Variants in GMPS observed in about 807,000 individuals in gnomAD.
GMPS encodes the protein guanosine monophosphate synthase.
In GMPS, 15 loss-of-function variants were observed where a neutral mutation model predicts 77.9. That is an observed-to-expected ratio of 0.19 (90% CI 0.13 to 0.30). The LOEUF (loss-of-function observed/expected upper bound fraction) is 0.30. Ranked by LOEUF, GMPS falls within the 10% of genes least tolerant of loss-of-function variation. GMPS has a pLI of 1.00. For missense variants in GMPS, 590 were observed against 838.8 expected (o/e 0.70, Z 3.66); for synonymous variants, 224 against 275.9 (o/e 0.81, Z 1.86).
In GMPS at chr3:155,936,425, A is replaced by G. The variant is rs1450011030; in HGVS notation, c.1895A>G (p.Gln632Arg). The G allele has an allele frequency of 6.2e-7, 1 of 1,607,090 alleles. No individual in the cohort carries two copies. The highest frequency in any genetic ancestry group is 1.7e-5 in the Admixed American group (1 of 60,018). ...RDPLQKQPSC[Q>R]RSVVIRTFIT... Reference sequence around the variant, plus strand: ...CCACTTCAAAAGCAGCCTTCATGCCAGAGATCTGTGGTTATTCGAACCTTT... The same window carrying G: ...CCACTTCAAAAGCAGCCTTCATGCCGGAGATCTGTGGTTATTCGAACCTTT... Residue 632 changes from glutamine to arginine, a missense_variant, in exon 15 of 16, where the codon CAG (glutamine) becomes CGG (arginine). By Grantham distance (43) the Gln-to-Arg change is conservative. Around this residue, in one of 6 missense-constraint regions of GMPS, gnomAD observed 73 missense variants for 170.5 expected, o/e 0.43. Transcript: ENST00000496455.
chr3:155,938,678 A>G lies in GMPS; in HGVS notation c.*986A>G, dbSNP rs1755820162. 5.0e-6 allele frequency: 1 copy of G among 201,426 alleles called. No individual in the cohort carries two copies. The highest frequency in any genetic ancestry group is 1.9e-4 in the South Asian group (1 of 5,258). 12.5% of individuals were successfully genotyped at this position (201,426 alleles called of 1,614,324 possible). On this transcript the variant is annotated 3_prime_UTR_variant, in exon 16 of 16. Transcript: ENST00000496455. ...AAACAGTTGTAAAATGAGCTTTTAA[A>G]TCTAATCTATAGACATATTATTCAT...
chr3:155,923,124 G>C (rs952317615), intron 11 of GMPS, among the ~76,000 whole-genome samples: 1 of 152,044 alleles, frequency 6.6e-6, no homozygotes, highest in Admixed American at 6.6e-5. Context: ...AAAGTAAATA[G>C]AAATAAGCTA....
At position 155,943,710 on chromosome 3, in the gene GMPS, T is replaced by C. The variant is rs1044164230; in HGVS notation, c.*6018T>C. On this transcript the variant is annotated 3_prime_UTR_variant, in exon 16 of 16. Coordinates refer to ENST00000496455, the MANE Select transcript of GMPS (RefSeq NM_003875.3). Reference sequence around the variant, plus strand: ...TTAATCCCTTTTGTCTTCAATATACTTCATAAAGGAGGAAATGATGATTTA... The same window carrying C: ...TTAATCCCTTTTGTCTTCAATATACCTCATAAAGGAGGAAATGATGATTTA... The C allele has an allele frequency of 1.2e-5, 2 of 168,782 alleles. No homozygotes were observed. Among genetic ancestry groups the C allele is most frequent in the Non-Finnish European group, 2.6e-5 (2 of 77,444 alleles). 10.5% of individuals were successfully genotyped at this position (168,782 alleles called of 1,614,324 possible). A position where few individuals can be genotyped will look rare whatever the true frequency, so the allele number is the denominator to read the frequency against.
intron 1 of GMPS, among the ~76,000 whole-genome samples, chr3:155,887,470 C>T (rs1207429080): frequency 1.3e-5 from 2 of 152,074 alleles, no homozygotes; most frequent in Non-Finnish European, 1.5e-5. Context: ...CAGTGTGGGA[C>T]ATTCTACAAA....
At chr3:155,910,379 C>A (rs1470824368) in intron 5 of GMPS, among the ~76,000 whole-genome samples, 1 of 151,932 alleles carries the variant, frequency 6.6e-6, no homozygotes, top group Non-Finnish European at 1.5e-5. Flanking sequence ...GGCCACCAGG[C>A]CAACATAGTG....
intron 1 of GMPS, among the ~76,000 whole-genome samples, chr3:155,878,606 A>G (rs1223963722): frequency 6.6e-6 from 1 of 152,126 alleles, no homozygotes; most frequent in Non-Finnish European, 1.5e-5. Context: ...AACATTTTAT[A>G]TTTTTGTCTG....
At position 155,893,688 on chromosome 3, in the gene GMPS, A is replaced by G. The variant is rs1295969591; in HGVS notation, c.198A>G (p.Glu66=). 2 of 1,595,634 alleles carry G rather than the reference A, an allele frequency of 1.3e-6. No individual in the cohort carries two copies. The highest frequency in any genetic ancestry group is 4.5e-5 in the East Asian group (2 of 44,644). The change falls in exon 2 of 16, where the codon GAA becomes GAG. Residue 66 remains glutamate, a synonymous_variant. Coordinates refer to ENST00000496455, the MANE Select transcript of GMPS (RefSeq NM_003875.3). ...PLETPAFAIK[E]QGFRAIIISG... ...AAACACCAGCATTTGCTATAAAGGA[A>G]CAAGGATTCCGGTAGACTTTTCACT...
intron 13 of GMPS, among the ~76,000 whole-genome samples, chr3:155,932,311 CACA>C (rs1176261456): frequency 9.2e-5 from 14 of 151,744 alleles, no homozygotes; most frequent in African/African-American, 2.9e-4. Context: ...CACACACACA[CACA>C]CCCCTACAAA....
chr3:155,906,257 G>A lies in GMPS; in HGVS notation c.520G>A (p.Val174Ile), dbSNP rs768899190. The stretch of plus-strand genomic sequence containing the variant: ...GGTTGTGGCACGTTCTGGAAACATA[G>A]TAGCAGGTGAAAATTCTAAAAATTT... The part of the protein sequence containing the change: ...FKVVARSGNI[V>I]AGIANESKKL... The change falls in exon 5 of 16, where the codon GTA (valine) becomes ATA (isoleucine). Residue 174 changes from valine (V) to isoleucine (I), a missense_variant. Coordinates refer to ENST00000496455, the MANE Select transcript of GMPS (RefSeq NM_003875.3). 6.2e-6 allele frequency: 10 copies of A among 1,602,016 alleles called. No individual in the cohort carries two copies. The highest frequency in any genetic ancestry group is 1.3e-5 in the African/African-American group (1 of 74,602).
At chr3:155,884,247 A>G (rs574791681) in intron 1 of GMPS, among the ~76,000 whole-genome samples, 22 of 151,738 alleles carry the variant, frequency 1.4e-4, no homozygotes, top group Middle Eastern at 3.4e-3. Context: ...TTAGCTGGGC[A>G]TGGTGGTGCA....
At chr3:155,884,779 A>G (rs1265702471) in intron 1 of GMPS, among the ~76,000 whole-genome samples, 9 of 152,226 alleles carry the variant, frequency 5.9e-5, no homozygotes, top group Admixed American at 5.9e-4. Context: ...TTCCATGATT[A>G]GGGTATGTGT....
At position 155,870,652 on chromosome 3, in the gene GMPS, C is replaced by G. The variant is rs1009509447; in HGVS notation, c.-219C>G. 4.2e-6 allele frequency: 2 copies of G among 476,260 alleles called. No homozygotes were observed. The highest frequency in any genetic ancestry group is 7.5e-6 in the Non-Finnish European group (2 of 267,216). 29.5% of individuals were successfully genotyped at this position (476,260 alleles called of 1,614,324 possible). A position where few individuals can be genotyped will look rare whatever the true frequency, so the allele number is the denominator to read the frequency against. On this transcript the variant is annotated 5_prime_UTR_variant, in exon 1 of 16. Coordinates refer to ENST00000496455, the MANE Select transcript of GMPS (RefSeq NM_003875.3). ...GGGCGGAAGCAGGAGGCGGGGGCAG[C>G]GTGCGCGCTGCTGGTCTTCTCTCCC...
chr3:155,899,086 G>C (rs1413191047), intron 3 of GMPS, among the ~76,000 whole-genome samples: 1 of 151,114 alleles, frequency 6.6e-6, no homozygotes, highest in African/African-American at 2.4e-5. Flanking sequence ...ACAAAAGTTT[G>C]GCCAGGCGCA....
intron 13 of GMPS, among the ~76,000 whole-genome samples, chr3:155,933,349 A>G (rs1755677147): frequency 6.6e-6 from 1 of 152,150 alleles, no homozygotes; most frequent in Non-Finnish European, 1.5e-5. Flanking sequence ...GGACTGTTCC[A>G]GTTTTACTGT....
chr3:155,911,275 C>G lies in GMPS; in HGVS notation c.882C>G (p.Val294=). The G allele has an allele frequency of 6.3e-7, 1 of 1,597,150 alleles. No homozygotes were observed. Among genetic ancestry groups the G allele is most frequent in the Non-Finnish European group, 8.5e-7 (1 of 1,172,916 alleles). ...CCCTCAAAAAGCTTGGAATTCAGGT[C>G]AAAGGTATTGAAGAACCTCAGAAAA... ...EEALKKLGIQ[V]KVINAAHSFY... Residue 294 remains valine (V), a synonymous_variant, in exon 7 of 16, where the codon GTC becomes GTG. Coordinates refer to ENST00000496455, the MANE Select transcript of GMPS (RefSeq NM_003875.3).
At chr3:155,899,972 A>G (rs1321993004) in intron 3 of GMPS, among the ~76,000 whole-genome samples, 1 of 152,166 alleles carries the variant, frequency 6.6e-6, no homozygotes, top group Non-Finnish European at 1.5e-5. Context: ...TGGAGGTATC[A>G]CAGTTCATTC....
chr3:155,898,439 C>A (rs541112870), intron 3 of GMPS, among the ~76,000 whole-genome samples: 1 of 152,332 alleles, frequency 6.6e-6, no homozygotes, highest in East Asian at 1.9e-4. Context: ...GACACTCTTA[C>A]TGCATAACCA....
At chr3:155,911,941 T>G (rs1445210719) in intron 7 of GMPS, among the ~76,000 whole-genome samples, 2 of 152,156 alleles carry the variant, frequency 1.3e-5, no homozygotes, top group Non-Finnish European at 2.9e-5. Context: ...CAGATTATTT[T>G]GCAAACAGAA....
intron 9 of GMPS, among the ~76,000 whole-genome samples, chr3:155,917,875 A>C (rs979585640): frequency 6.6e-5 from 10 of 152,160 alleles, no homozygotes; most frequent in East Asian, 3.9e-4. Flanking sequence ...CTGTCTCAAA[A>C]AAACAAACAA....
Sources: allele counts gnomAD v4.1 joint callset (sites outside exome capture counted in the v4.1 genomes callset), GRCh38; gene constraint gnomAD v4.1.1; regional missense constraint gnomAD v4.1.1; transcripts MANE v1.5; gene names NCBI Gene and HGNC (gene_info 2026-07-23, HGNC 2026-07-21).